The following COL22A1 variants were observed in gnomAD, a reference collection of about 807,000 sequenced individuals.
COL22A1 encodes collagen type XXII alpha 1 chain.
Under a neutral mutation model 248.9 loss-of-function variants are expected in COL22A1, and 221 were observed. The ratio of observed to expected loss-of-function variants is 0.89; its 90% confidence interval spans 0.80 to 0.99. The LOEUF (loss-of-function observed/expected upper bound fraction) is 0.99. Ranked by LOEUF, COL22A1 falls within the 50% of genes least tolerant of loss-of-function variation. The probability of loss-of-function intolerance (pLI) is 0.00; values close to 1 mark genes in which losing one functional copy is unlikely to be tolerated. For synonymous variants in COL22A1, 891 were observed against 793.4 expected, an observed-to-expected ratio of 1.12 and a Z score of -2.07; for missense variants, 2,240 against 2,179.0, an observed-to-expected ratio of 1.03 and a Z score of -0.56.
At position 138,649,715 on chromosome 8, in the gene COL22A1, C is replaced by G. The variant is rs772073568; in HGVS notation, c.3397G>C (p.Asp1133His). ...GLPGLPGFKG[D>H]KGVPGKPGRE... is the part of the protein sequence containing the mutation. ...CCTGGCTTTCCTGGGACACCTTTGTCCCCTTTAAAACCTGGTAGACCAGGG... is the reference window on the plus strand; with the variant it reads ...CCTGGCTTTCCTGGGACACCTTTGTGCCCTTTAAAACCTGGTAGACCAGGG... Residue 1133 changes from aspartate to histidine, a missense_variant, in exon 46 of 65, where the codon GAC (aspartate) becomes CAC (histidine). Asp to His is a moderately conservative substitution (Grantham distance 81, BLOSUM62 -1). Transcript: ENST00000303045. The G allele has an allele frequency of 6.2e-7, 1 of 1,613,294 alleles. No homozygotes were observed. The highest frequency in any genetic ancestry group is 1.3e-5 in the African/African-American group (1 of 75,006).
chr8:138,865,378 CTGTG>C (rs1160531404), intron 3 of COL22A1, among the ~76,000 whole-genome samples: 2 of 151,540 alleles, frequency 1.3e-5, no homozygotes, highest in African/African-American at 2.4e-5. Context: ...GTTTGTATGC[CTGTG>C]TGTGAGTGTA....
At chr8:138,896,479 A>C (rs1202590212) in intron 1 of COL22A1, among the ~76,000 whole-genome samples, 1 of 152,208 alleles carries the variant, frequency 6.6e-6, no homozygotes, top group Non-Finnish European at 1.5e-5. Flanking sequence ...AAAAATACTC[A>C]ATAAAGATAT....
chr8:138,895,334 G>A (rs113110717), intron 1 of COL22A1, among the ~76,000 whole-genome samples: 69 of 152,114 alleles, frequency 4.5e-4, no homozygotes, highest in African/African-American at 1.5e-3. Flanking sequence ...TGATTCCAAC[G>A]CTGGAATAAC....
chr8:138,612,268 T>C (rs923705692), intron 56 of COL22A1, among the ~76,000 whole-genome samples: 1 of 152,148 alleles, frequency 6.6e-6, no homozygotes, highest in African/African-American at 2.4e-5. Context: ...GACACAGATA[T>C]CAAAGCTGCC....
At chr8:138,676,658 T>C in intron 40 of COL22A1, 23 bp from the exon 41 acceptor site, 6 of 1,510,570 alleles carry the variant, frequency 4.0e-6, no homozygotes, top group Non-Finnish European at 5.4e-6. Context: ...AAAAATAAGA[T>C]CAAGGAGGTC....
intron 62 of COL22A1, among the ~76,000 whole-genome samples, chr8:138,595,881 A>T (rs540565651): frequency 6.6e-6 from 1 of 151,950 alleles, no homozygotes; most frequent in Non-Finnish European, 1.5e-5. Context: ...AACTTGTGTG[A>T]CTTTCTTCTC....
chr8:138,623,802 A>G lies in COL22A1; in HGVS notation c.3718-17T>C, dbSNP rs186001754. The G allele has an allele frequency of 1.1e-4, 177 of 1,610,758 alleles. 2 individuals carry two copies. In the East Asian group the frequency reaches 2.5e-3, roughly 23 times the overall value. On this transcript the variant is annotated splice_polypyrimidine_tract_variant and intron_variant, in intron 51 of 64. Transcript: ENST00000303045. ...TTCTTCTCCCTGCAAGAGAAACTCAAATTGGTTATCAGGTCAAAGAAGATT... is the reference window on the plus strand; with the variant it reads ...TTCTTCTCCCTGCAAGAGAAACTCAGATTGGTTATCAGGTCAAAGAAGATT...
chr8:138,635,175 C>T, intron 48 of COL22A1, 112 bp from the exon 49 acceptor site: 2 of 833,984 alleles, frequency 2.4e-6, no homozygotes, highest in Non-Finnish European at 3.6e-6. Flanking sequence ...ACCCTACTAA[C>T]AATTTTGCTT....
chr8:138,703,699 G>C (rs575820340), intron 30 of COL22A1, among the ~76,000 whole-genome samples: 3 of 152,288 alleles, frequency 2.0e-5, no homozygotes, highest in African/African-American at 7.2e-5. Context: ...CCAGTCTACA[G>C]CTCCCAGTGT....
chr8:138,844,735 G>C (rs896760817), intron 3 of COL22A1, among the ~76,000 whole-genome samples: 9 of 152,072 alleles, frequency 5.9e-5, no homozygotes, highest in Admixed American at 5.9e-4. Context: ...CGGATCACGA[G>C]GTCAGGAGAT....
chr8:138,770,133 G>A (rs1485142788), intron 16 of COL22A1, among the ~76,000 whole-genome samples: 1 of 152,162 alleles, frequency 6.6e-6, no homozygotes, highest in African/African-American at 2.4e-5. Flanking sequence ...CCGATTCCAA[G>A]GCTGGTGCTC....
chr8:138,775,932 G>A (rs750407629), intron 16 of COL22A1, 34 bp downstream of exon 16: 1 of 1,605,806 alleles, frequency 6.2e-7, no homozygotes, highest in South Asian at 1.1e-5. Context: ...TCTATGGAAA[G>A]CCGTATTGAT....
chr8:138,598,462 G>C (rs1171465314), intron 61 of COL22A1, among the ~76,000 whole-genome samples: 1 of 152,216 alleles, frequency 6.6e-6, no homozygotes, highest in East Asian at 1.9e-4. Context: ...GAACAGAAGA[G>C]GGACTATTTT....
chr8:138,763,197 G>A (rs750608883), intron 16 of COL22A1, among the ~76,000 whole-genome samples: 55 of 152,102 alleles, frequency 3.6e-4, no homozygotes, highest in Non-Finnish European at 6.2e-4. Context: ...GACCAGCCTG[G>A]CCAACATGGT....
chr8:138,640,192 C>T lies in COL22A1; in HGVS notation c.3502-3397G>A, dbSNP rs942199308. Among the ~76,000 whole-genome samples the T allele has an allele frequency of 3.9e-5, 6 of 152,142 alleles. No homozygotes were observed. The East Asian group carries it at 7.7e-4, about 20-fold the overall frequency. On this transcript the variant is annotated intron_variant, in intron 47 of 64. Transcript: ENST00000303045. ...AATTGTTTTCTTTCTCTTCTACCTT[C>T]GTGGAAAACCTCTCTGAGTTGGGAG...
chr8:138,750,954 GT>G (rs1832542361), intron 22 of COL22A1, among the ~76,000 whole-genome samples: 1 of 152,080 alleles, frequency 6.6e-6, no homozygotes, highest in African/African-American at 2.4e-5. Flanking sequence ...GAATTTACTG[GT>G]GAATTATACC....
At chr8:138,659,135 A>C (rs970848468) in intron 44 of COL22A1, among the ~76,000 whole-genome samples, 2 of 152,136 alleles carry the variant, frequency 1.3e-5, no homozygotes, top group Admixed American at 6.5e-5. Context: ...TTATAAAGTG[A>C]GGTTTATTTG....
At chr8:138,643,290 T>G (rs1821884764) in intron 47 of COL22A1, among the ~76,000 whole-genome samples, 2 of 152,262 alleles carry the variant, frequency 1.3e-5, no homozygotes, top group African/African-American at 4.8e-5. Context: ...AGATCTGATA[T>G]CTATAACTCC....
At chr8:138,802,495 C>T (rs1221632824) in intron 11 of COL22A1, among the ~76,000 whole-genome samples, 1 of 151,554 alleles carries the variant, frequency 6.6e-6, no homozygotes, top group Non-Finnish European at 1.5e-5. Context: ...AGCAGGAAGG[C>T]ATGGGGAAGA....
Sources: allele counts gnomAD v4.1 joint callset (sites outside exome capture counted in the v4.1 genomes callset), GRCh38; gene constraint gnomAD v4.1.1; transcripts MANE v1.5; gene names NCBI Gene and HGNC (gene_info 2026-07-23, HGNC 2026-07-21).